Variants in FBXO40 observed in about 807,000 individuals in gnomAD.
FBXO40 encodes F-box protein 40.
FBXO40 carries 50 observed loss-of-function variants against 49.9 expected under a neutral mutation model. The ratio of observed to expected loss-of-function variants is 1.00; its 90% confidence interval spans 0.80 to 1.27. FBXO40 has a LOEUF of 1.27. Among genes scored for constraint, FBXO40 ranks in the 50% most tolerant of loss-of-function variants. FBXO40 has a pLI of 0.00. For missense variants in FBXO40, 895 were observed against 870.1 expected, an observed-to-expected ratio of 1.03 and a Z score of -0.36; for synonymous variants, 340 against 320.2, an observed-to-expected ratio of 1.06 and a Z score of -0.66.
intron 1 of FBXO40, among the ~76,000 whole-genome samples, chr3:121,609,535 C>T (rs2048953385): frequency 6.6e-6 from 1 of 152,062 alleles, no homozygotes. Context: ...GAATGAGTAT[C>T]AGGATCATTC....
chr3:121,601,079 G>C (rs1405205345), intron 1 of FBXO40, among the ~76,000 whole-genome samples: 1 of 152,190 alleles, frequency 6.6e-6, no homozygotes, highest in African/African-American at 2.4e-5. Context: ...CATTTTCTGG[G>C]ATATGGGACT....
intron 3 of FBXO40, 34 bp downstream of exon 3, chr3:121,623,377 C>T (rs780021597): frequency 6.4e-7 from 1 of 1,559,450 alleles, no homozygotes; most frequent in East Asian, 2.3e-5. Flanking sequence ...TTGACTCATT[C>T]AGCAATTTTT....
At chr3:121,614,100 C>A (rs1317973293) in intron 1 of FBXO40, among the ~76,000 whole-genome samples, 1 of 152,042 alleles carries the variant, frequency 6.6e-6, no homozygotes, top group East Asian at 1.9e-4. Context: ...AACCCTCTAT[C>A]TATTAAAAAC....
intron 1 of FBXO40, among the ~76,000 whole-genome samples, chr3:121,594,817 A>T (rs1299003971): frequency 2.0e-5 from 3 of 152,200 alleles, no homozygotes; most frequent in Non-Finnish European, 4.4e-5. Context: ...AAAACCAAAG[A>T]TTGTTACAAG....
chr3:121,621,155 A>T (rs1025887867), intron 2 of FBXO40, among the ~76,000 whole-genome samples: 1 of 152,348 alleles, frequency 6.6e-6, no homozygotes, highest in African/African-American at 2.4e-5. Context: ...CAACTCAAAA[A>T]TAACAATTGT....
intron 1 of FBXO40, among the ~76,000 whole-genome samples, chr3:121,618,738 T>C (rs907299369): frequency 6.6e-6 from 1 of 151,566 alleles, no homozygotes; most frequent in Non-Finnish European, 1.5e-5. Flanking sequence ...TGTGTGTGTG[T>C]GTGTATGTGT....
At chr3:121,595,855 C>T (rs376056384) in intron 1 of FBXO40, among the ~76,000 whole-genome samples, 57 of 152,264 alleles carry the variant, frequency 3.7e-4, no homozygotes, top group African/African-American at 1.3e-3. Flanking sequence ...AAATCTTTGA[C>T]CTTTAACTTT....
At chr3:121,625,490 T>C (rs1413491045) in intron 3 of FBXO40, among the ~76,000 whole-genome samples, 1 of 152,250 alleles carries the variant, frequency 6.6e-6, no homozygotes, top group Non-Finnish European at 1.5e-5. Flanking sequence ...CTCTCTCTTG[T>C]ATATGTGCCT....
At chr3:121,618,633 T>C (rs1215932101) in intron 1 of FBXO40, among the ~76,000 whole-genome samples, 5 of 151,420 alleles carry the variant, frequency 3.3e-5, no homozygotes, top group Non-Finnish European at 7.4e-5. Context: ...TGATGTCAGG[T>C]GATCCACCCG....
chr3:121,621,660 CCG>C lies in FBXO40; in HGVS notation c.233_234del (p.Arg78ProfsTer30), dbSNP rs1560132279. ...AATATGGCTGCCCTCTGTCCATGTC[CCG>C]CCACAAACTGGCCAAGCACCTGCAG... is the stretch of plus-strand genomic sequence containing the variant. ...SEYGCPLSMS[R>X]HKLAKHLQVC... On this transcript the variant is annotated frameshift_variant, in exon 3 of 4. Coordinates refer to ENST00000338040, the MANE Select transcript of FBXO40 (RefSeq NM_016298.4). LOFTEE classifies it high-confidence loss of function. 1.2e-6 allele frequency: 2 copies of C among 1,614,118 alleles called. No individual in the cohort carries two copies. The highest frequency in any genetic ancestry group is 2.2e-5 in the South Asian group (2 of 91,092).
chr3:121,617,807 C>G (rs1415901002), intron 1 of FBXO40, among the ~76,000 whole-genome samples: 5 of 152,160 alleles, frequency 3.3e-5, no homozygotes, highest in Non-Finnish European at 7.3e-5. Flanking sequence ...CAAGACTAGC[C>G]TGGCCAACAT....
intron 1 of FBXO40, among the ~76,000 whole-genome samples, chr3:121,607,015 A>T (rs2048935320): frequency 6.6e-6 from 1 of 152,188 alleles, no homozygotes; most frequent in Non-Finnish European, 1.5e-5. Context: ...CTGTATTCCC[A>T]GCACTTTGAA....
At chr3:121,604,171 G>A (rs565895288) in intron 1 of FBXO40, among the ~76,000 whole-genome samples, 1 of 152,290 alleles carries the variant, frequency 6.6e-6, no homozygotes, top group Admixed American at 6.5e-5. Context: ...CGTCATTGAT[G>A]TTAACTCTGC....
chr3:121,628,809 T>C lies in FBXO40; in HGVS notation c.*1899T>C, dbSNP rs1397382050. 6.6e-6 allele frequency: 1 copy of C among 152,226 alleles called. No individual in the cohort carries two copies. The allele number at this position is 152,226 out of a possible 1,614,324, so 9.4% of individuals were successfully genotyped here. A position where few individuals can be genotyped will look rare whatever the true frequency, so the allele number is the denominator to read the frequency against. ...TGGGAACCAGAAGGAAATGATTCGT[T>C]TGGTATGGCTTCATGTCCTTCAGCC... is the stretch of plus-strand genomic sequence containing the variant. On this transcript the variant is annotated 3_prime_UTR_variant, in exon 4 of 4. Transcript: ENST00000338040.
At chr3:121,618,548 G>A (rs968184737) in intron 1 of FBXO40, among the ~76,000 whole-genome samples, 3 of 119,754 alleles carry the variant, frequency 2.5e-5, no homozygotes, top group Non-Finnish European at 3.5e-5. Flanking sequence ...CACAGTGCCC[G>A]GTTAATTTTT....
chr3:121,601,306 G>T (rs902330309), intron 1 of FBXO40, among the ~76,000 whole-genome samples: 6 of 152,050 alleles, frequency 3.9e-5, no homozygotes, highest in East Asian at 3.9e-4. Flanking sequence ...TCTCTGGAGT[G>T]GTCTCCACTC....
intron 1 of FBXO40, among the ~76,000 whole-genome samples, chr3:121,599,751 C>A (rs2048892655): frequency 7.2e-6 from 1 of 138,636 alleles, no homozygotes; most frequent in African/African-American, 2.7e-5. Flanking sequence ...GAGACGGAGT[C>A]TCACTCTGGT....
intron 3 of FBXO40, among the ~76,000 whole-genome samples, chr3:121,625,787 T>G (rs2049058697): frequency 6.6e-6 from 1 of 152,196 alleles, no homozygotes; most frequent in Non-Finnish European, 1.5e-5. Flanking sequence ...TAGAATGGAT[T>G]TTTAAAGTAA....
chr3:121,600,593 G>A (rs773620465), intron 1 of FBXO40, among the ~76,000 whole-genome samples: 6 of 152,186 alleles, frequency 3.9e-5, no homozygotes, highest in African/African-American at 7.2e-5. Flanking sequence ...CAACTCTAGC[G>A]ATGGGCTTGC....
Sources: allele counts gnomAD v4.1 joint callset (sites outside exome capture counted in the v4.1 genomes callset), GRCh38; gene constraint gnomAD v4.1.1; transcripts MANE v1.5; gene names NCBI Gene and HGNC (gene_info 2026-07-23, HGNC 2026-07-21).